AOX1: variants seen among roughly 807,000 people sequenced by gnomAD.
The protein encoded by AOX1 is aldehyde oxidase.
Under a neutral mutation model 169.5 loss-of-function variants are expected in AOX1, and 153 were observed. The ratio of observed to expected loss-of-function variants is 0.90; its 90% CI spans 0.79 to 1.03. The LOEUF (loss-of-function observed/expected upper bound fraction) is 1.03. Among genes scored for constraint, AOX1 ranks in the 50% least tolerant of loss-of-function variants. The probability of loss-of-function intolerance (pLI) is 0.00; values close to 1 mark genes in which losing one functional copy is unlikely to be tolerated. For missense variants in AOX1, 1,656 were observed against 1,663.9 expected, an observed-to-expected ratio of 1.00 and a Z score of 0.08; for synonymous variants, 562 against 581.9, an observed-to-expected ratio of 0.97 and a Z score of 0.49.
intron 18 of AOX1, among the ~76,000 whole-genome samples, chr2:200,623,395 C>T (rs1424502307): frequency 6.6e-6 from 1 of 152,242 alleles, no homozygotes; most frequent in Non-Finnish European, 1.5e-5. Flanking sequence ...GAGAGATGTG[C>T]TCACCATCAG....
In AOX1 at chr2:200,659,347, G is replaced by T. The variant is rs549622120; in HGVS notation, c.3300+54G>T. 6.4e-6 allele frequency: 10 copies of T among 1,567,862 alleles called. No individual in the cohort carries two copies. In the African/African-American group the frequency reaches 1.4e-4, roughly 21 times the overall value. On this transcript the variant is annotated intron_variant, in intron 28 of 34. Transcript: ENST00000374700. ...CATTAACTCCCTCAGGGCCAAATAC[G>T]TGGGTGGGTGGAGCTCCAAAGATGC...
intron 16 of AOX1, among the ~76,000 whole-genome samples, chr2:200,619,990 T>C (rs368951470): frequency 6.7e-4 from 102 of 152,256 alleles, no homozygotes; most frequent in African/African-American, 2.3e-3. Flanking sequence ...TTTAAAGAGA[T>C]ACATAAGCAT....
intron 10 of AOX1, among the ~76,000 whole-genome samples, chr2:200,606,888 A>C (rs1056777289): frequency 1.3e-5 from 2 of 152,160 alleles, no homozygotes; most frequent in African/African-American, 4.8e-5. Context: ...TTGGGCTGAG[A>C]CGATGGGGTT....
Position 200,612,370 on chromosome 2 carries a change from C to T in AOX1, c.1264-239C>T, listed in dbSNP as rs369225628. ...ACCACACACTGGGTGGCCTCAACAA[C>T]GGAGAATGATTTTCTGGAGATGCTG... On this transcript the variant is annotated intron_variant, in intron 13 of 34. Coordinates refer to ENST00000374700, the MANE Select transcript of AOX1 (RefSeq NM_001159.4). Among the ~76,000 whole-genome samples, 51 of 152,256 alleles carry T rather than the reference C, an allele frequency of 3.3e-4. No homozygotes were observed. In the Middle Eastern group the frequency reaches 0.014, roughly 41 times the overall value.
intron 33 of AOX1, among the ~76,000 whole-genome samples, chr2:200,669,262 A>G (rs2715908): frequency 0.59 from 89,685 of 152,018 alleles, 27,516 homozygotes; most frequent in African/African-American, 0.75. Context: ...TGGCCAACCT[A>G]GTGAAACCCC....
At chr2:200,612,823 A>C in intron 14 of AOX1, 30 bp downstream of exon 14, 1 of 1,584,918 alleles carries the variant, frequency 6.3e-7, no homozygotes, top group Non-Finnish European at 8.6e-7. Context: ...GGCTCCTCTA[A>C]TACTTGTCCT....
chr2:200,639,991 C>A (rs553382903), intron 23 of AOX1, among the ~76,000 whole-genome samples: 32 of 149,142 alleles, frequency 2.1e-4, no homozygotes, highest in Non-Finnish European at 3.0e-5. Context: ...GAGCCAAAAT[C>A]GCGCCACTGC....
Position 200,612,783 on chromosome 2 carries a change from C to T in AOX1, c.1438C>T (p.Leu480Phe). The change falls in exon 14 of 35, where the codon CTC (leucine) becomes TTC (phenylalanine). Residue 480 changes from leucine (L) to phenylalanine (F), a missense_variant. Coordinates refer to ENST00000374700, the MANE Select transcript of AOX1 (RefSeq NM_001159.4). ...TICAKNSCQK[L>F]IGRHWNEQML... ...CTGTGCCAAGAATTCCTGCCAGAAA[C>T]TCATTGGAAGGTAAGGCATTAGAAG... 6.2e-7 allele frequency: 1 copy of T among 1,613,624 alleles called. No individual in the cohort carries two copies. Among genetic ancestry groups the T allele is most frequent in the East Asian group, 2.2e-5 (1 of 44,860 alleles).
At chr2:200,605,990 T>C (rs2034507101) in intron 10 of AOX1, among the ~76,000 whole-genome samples, 1 of 152,260 alleles carries the variant, frequency 6.6e-6, no homozygotes, top group Non-Finnish European at 1.5e-5. Flanking sequence ...TTAGTTTAAT[T>C]AGATCCCATT....
intron 6 of AOX1, among the ~76,000 whole-genome samples, chr2:200,602,554 A>T (rs2034440468): frequency 6.6e-6 from 1 of 151,938 alleles, no homozygotes; most frequent in Non-Finnish European, 1.5e-5. Context: ...TGAACACCTG[A>T]GCATTTTGAC....
In AOX1 at chr2:200,601,698, T is replaced by A. The variant is rs6435057; in HGVS notation, c.437-586T>A. Among the ~76,000 whole-genome samples the A allele has an allele frequency of 5.9e-5, 9 of 152,014 alleles. No homozygotes were observed. In the South Asian group the frequency reaches 1.0e-3, roughly 18 times the overall value. ...TGTAATCCCAACATTTAGGGAGGCC[T>A]AGGTGGGTGGATCACCTGAGGTCAG... On this transcript the variant is annotated intron_variant, in intron 5 of 34. Transcript: ENST00000374700.
chr2:200,591,264 T>C (rs769871042), intron 1 of AOX1, among the ~76,000 whole-genome samples: 1 of 152,212 alleles, frequency 6.6e-6, no homozygotes, highest in Non-Finnish European at 1.5e-5. Context: ...CAAATAATTA[T>C]GATACAGTGT....
chr2:200,599,706 C>T lies in AOX1; in HGVS notation c.396C>T (p.His132=), dbSNP rs1231619550. ...VMSIYTLLRN[H]PEPTLDQLTD... is the part of the protein sequence containing the mutation. ...CCATCTACACGCTGCTCAGGAACCA[C>T]CCAGAGCCCACTCTGGATCAGTTAA... Residue 132 remains histidine (H), a synonymous_variant, in exon 5 of 35, where the codon CAC becomes CAT. Coordinates refer to ENST00000374700, the MANE Select transcript of AOX1 (RefSeq NM_001159.4). 6.2e-7 allele frequency: 1 copy of T among 1,611,358 alleles called. No individual in the cohort carries two copies. The highest frequency in any genetic ancestry group is 8.5e-7 in the Non-Finnish European group (1 of 1,178,324).
At chr2:200,641,034 A>C in intron 23 of AOX1, 64 bp from the exon 24 acceptor site, 1 of 1,240,696 alleles carries the variant, frequency 8.1e-7, no homozygotes, top group Middle Eastern at 1.9e-4. Context: ...GAGGGTTTGC[A>C]AATGACAAAA....
intron 15 of AOX1, 133 bp downstream of exon 15, chr2:200,614,099 T>C: frequency 2.4e-6 from 2 of 824,570 alleles, no homozygotes; most frequent in Non-Finnish European, 3.7e-6. Context: ...ACGTACTTGC[T>C]GAACATCCCT....
chr2:200,616,064 G>A lies in AOX1; in HGVS notation c.1704+1G>A, dbSNP rs762037387. 1.9e-6 allele frequency: 3 copies of A among 1,607,120 alleles called. No individual in the cohort carries two copies. The highest frequency in any genetic ancestry group is 2.6e-6 in the Non-Finnish European group (3 of 1,173,772). ...TCACTGCAGTACATTAAAGTACCAG[G>A]TGAGCGGTATTTCTTGTTTTTAAAA... On this transcript the variant is annotated splice_donor_variant, in intron 16 of 34. Coordinates refer to ENST00000374700, the MANE Select transcript of AOX1 (RefSeq NM_001159.4). LOFTEE classifies it high-confidence loss of function.
chr2:200,676,994 GGTTT>G, exon 5 of AOX1: 1 of 464,724 alleles, frequency 2.2e-6, no homozygotes, highest in South Asian at 1.6e-5. Context: ...AGATGAACTT[GGTTT>G]GTTTGTATGT....
chr2:200,623,563 T>TG (rs907673384), intron 18 of AOX1, among the ~76,000 whole-genome samples: 75 of 152,352 alleles, frequency 4.9e-4, no homozygotes, highest in African/African-American at 1.8e-3. Context: ...CATCAAGCCA[T>TG]GGGACAGGCT....
At chr2:200,613,004 G>A (rs75169215) in intron 14 of AOX1, among the ~76,000 whole-genome samples, 4 of 93,072 alleles carry the variant, frequency 4.3e-5, no homozygotes, top group African/African-American at 1.9e-4. Context: ...CTCTGTGTGC[G>A]TGTGTGTGTG....
Sources: allele counts gnomAD v4.1 joint callset (sites outside exome capture counted in the v4.1 genomes callset), GRCh38; gene constraint gnomAD v4.1.1; transcripts MANE v1.5; gene names NCBI Gene and HGNC (gene_info 2026-07-23, HGNC 2026-07-21).